Variants in ABL1 observed in about 807,000 individuals in gnomAD.
The protein encoded by ABL1 is ABL proto-oncogene 1, non-receptor tyrosine kinase, also known as tyrosine-protein kinase ABL1.
ABL1 carries 11 observed loss-of-function variants against 94.7 expected under a neutral mutation model. The ratio of observed to expected loss-of-function variants is 0.12; its 90% CI spans 0.07 to 0.19. The LOEUF (loss-of-function observed/expected upper bound fraction) is 0.19. Ranked by LOEUF, ABL1 falls within the 10% of genes least tolerant of loss-of-function variation. ABL1 has a pLI of 1.00. For missense variants in ABL1, 1,082 were observed against 1,489.4 expected, an observed-to-expected ratio of 0.73 and a Z score of 4.50; for synonymous variants, 656 against 622.4, an observed-to-expected ratio of 1.05 and a Z score of -0.80.
At chr9:130,793,560 C>T (rs1214686274) in intron 1 of ABL1, among the ~76,000 whole-genome samples, 1 of 152,200 alleles carries the variant, frequency 6.6e-6, no homozygotes, top group Non-Finnish European at 1.5e-5. Context: ...TAACTAGAGT[C>T]TGTGCAAGCT....
chr9:130,855,350 TAGG>T (rs1477639590), intron 3 of ABL1, among the ~76,000 whole-genome samples: 2 of 152,192 alleles, frequency 1.3e-5, no homozygotes, highest in African/African-American at 2.4e-5. Context: ...TTACTTAAAA[TAGG>T]AGGAATATCT....
At chr9:130,803,228 A>G (rs1830080174) in intron 1 of ABL1, among the ~76,000 whole-genome samples, 1 of 152,008 alleles carries the variant, frequency 6.6e-6, no homozygotes, top group Admixed American at 6.6e-5. Context: ...TTAGTAGAGA[A>G]GGGGTTTTGC....
exon 1 of ABL1, among the ~76,000 whole-genome samples, chr9:130,713,687 T>C (rs1407258729): frequency 6.6e-6 from 1 of 152,242 alleles, no homozygotes; most frequent in Non-Finnish European, 1.5e-5. Context: ...AGGAAAAGTC[T>C]GGATTGGTTC....
At chr9:130,721,595 A>G (rs943399070) in intron 1 of ABL1, among the ~76,000 whole-genome samples, 1 of 152,088 alleles carries the variant, frequency 6.6e-6, no homozygotes, top group Non-Finnish European at 1.5e-5. Flanking sequence ...CTGTAATCCC[A>G]GCTACTCAAG....
intron 1 of ABL1, among the ~76,000 whole-genome samples, chr9:130,791,891 A>G (rs1829912595): frequency 6.6e-6 from 1 of 152,156 alleles, no homozygotes; most frequent in South Asian, 2.1e-4. Context: ...CCTTTCATAT[A>G]TACATATATC....
intron 1 of ABL1, among the ~76,000 whole-genome samples, chr9:130,819,532 CT>C (rs34341889): frequency 0.1 from 9,701 of 96,426 alleles, 268 homozygotes; most frequent in African/African-American, 0.17. Context: ...AGAAAAATAC[CT>C]TTTTTTTTTT....
chr9:130,786,324 G>A (rs923702682), intron 1 of ABL1, among the ~76,000 whole-genome samples: 6 of 152,352 alleles, frequency 3.9e-5, no homozygotes, highest in Admixed American at 2.0e-4. Flanking sequence ...AGTTAGATAA[G>A]GAGGTGGTTC....
intron 1 of ABL1, among the ~76,000 whole-genome samples, chr9:130,829,436 C>T (rs1344288548): frequency 6.6e-6 from 1 of 151,978 alleles, no homozygotes; most frequent in African/African-American, 2.4e-5. Context: ...GTGGCGGTCC[C>T]CTGTAGTCCG....
At chr9:130,730,988 CTCTA>C (rs1259976947) in intron 1 of ABL1, among the ~76,000 whole-genome samples, 8 of 144,602 alleles carry the variant, frequency 5.5e-5, no homozygotes, top group African/African-American at 2.0e-4. Context: ...TGCGTTTTCA[CTCTA>C]TCTCTCTTTT....
intron 1 of ABL1, among the ~76,000 whole-genome samples, chr9:130,847,817 T>C (rs1163220465): frequency 6.6e-6 from 1 of 152,196 alleles, no homozygotes; most frequent in Non-Finnish European, 1.5e-5. Context: ...AACAAAGGCC[T>C]CATCCTCTTG....
chr9:130,720,422 C>T (rs902501934), intron 1 of ABL1, among the ~76,000 whole-genome samples: 5 of 151,952 alleles, frequency 3.3e-5, no homozygotes, highest in African/African-American at 1.2e-4. Flanking sequence ...AATTTCAGGC[C>T]GAGGGAACCA....
chr9:130,753,008 G>GCAC (rs1831986492), intron 1 of ABL1, among the ~76,000 whole-genome samples: 1 of 151,200 alleles, frequency 6.6e-6, no homozygotes, highest in Non-Finnish European at 1.5e-5. Flanking sequence ...TGTAGTCCCA[G>GCAC]CACTTTGGGA....
chr9:130,765,232 T>C (rs778689179), intron 1 of ABL1, among the ~76,000 whole-genome samples: 26 of 152,158 alleles, frequency 1.7e-4, no homozygotes, highest in Non-Finnish European at 3.1e-4. Flanking sequence ...TCCATATCCT[T>C]CATCAGCTTC....
At chr9:130,879,637 TC>T (rs1831417717) in intron 8 of ABL1, among the ~76,000 whole-genome samples, 1 of 152,236 alleles carries the variant, frequency 6.6e-6, no homozygotes, top group Admixed American at 6.5e-5. Context: ...GAGTGACTGT[TC>T]CTGGTCCCCA....
chr9:130,876,733 C>CTTTTTTTTTTTT lies in ABL1; in HGVS notation c.1271-1670_1271-1659dup, dbSNP rs755840936. On this transcript the variant is annotated intron_variant, in intron 7 of 10. Coordinates refer to ENST00000318560, the MANE Select transcript of ABL1 (RefSeq NM_005157.6). ...ACCATGCCCTGCCACAAGTTGGTTTCTTTTTTTTTTTTTTTTTTTTTTTGA... is the reference window on the plus strand; with the variant it reads ...ACCATGCCCTGCCACAAGTTGGTTTCTTTTTTTTTTTTTTTTTTTTTTTTTTTTTTTTTTTGA... 2.4e-4 allele frequency among the ~76,000 whole-genome samples: 20 copies of CTTTTTTTTTTTT among 83,198 alleles called. 1 individual carries two copies. Among genetic ancestry groups the CTTTTTTTTTTTT allele is most frequent in the African/African-American group, 9.8e-4 (19 of 19,326 alleles). The allele number at this position is 83,198 out of a possible 152,430, so 54.6% of individuals were successfully genotyped here. A position where few individuals can be genotyped will look rare whatever the true frequency, so the allele number is the denominator to read the frequency against.
chr9:130,865,199 C>T (rs754248885), intron 4 of ABL1, among the ~76,000 whole-genome samples: 9 of 152,168 alleles, frequency 5.9e-5, no homozygotes, highest in Non-Finnish European at 1.2e-4. Flanking sequence ...AATTAACTTA[C>T]GATCTCACAG....
intron 1 of ABL1, among the ~76,000 whole-genome samples, chr9:130,779,607 C>A (rs1829730315): frequency 6.6e-6 from 1 of 152,090 alleles, no homozygotes; most frequent in African/African-American, 2.4e-5. Context: ...TTATAAATTT[C>A]TAGAGGGAAC....
chr9:130,823,358 A>C (rs1365598224), intron 1 of ABL1, among the ~76,000 whole-genome samples: 1 of 152,124 alleles, frequency 6.6e-6, no homozygotes, highest in Non-Finnish European at 1.5e-5. Context: ...AAAACAAAAG[A>C]TTGATTTGGG....
At chr9:130,780,203 C>G (rs1263057608) in intron 1 of ABL1, among the ~76,000 whole-genome samples, 7 of 152,200 alleles carry the variant, frequency 4.6e-5, no homozygotes, top group Admixed American at 1.3e-4. Flanking sequence ...AGGAGAATCG[C>G]TTGAACCCAG....
Sources: gnomAD v4.1 joint callset for allele counts (sites outside exome capture counted in the v4.1 genomes callset) on GRCh38, gnomAD v4.1.1 for gene constraint, MANE v1.5 for transcripts, NCBI Gene and HGNC (gene_info 2026-07-23, HGNC 2026-07-21) for gene names.